SMYD3: variants seen among roughly 807,000 people sequenced by gnomAD.
The protein encoded by SMYD3 is histone-lysine N-methyltransferase SMYD3.
In SMYD3, 36 loss-of-function variants were observed where a neutral mutation model predicts 57.7. The observed-to-expected ratio is 0.62, with a 90% CI of 0.48 to 0.82. The LOEUF (loss-of-function observed/expected upper bound fraction) is 0.82. SMYD3 is among the 40% of genes least tolerant of loss of function. The pLI is 0.00. For synonymous variants in SMYD3, 211 were observed against 195.0 expected, an observed-to-expected ratio of 1.08 and a Z score of -0.68; for missense variants, 515 against 538.8, an observed-to-expected ratio of 0.96 and a Z score of 0.44.
At chr1:246,118,134 C>T (rs778939592) in intron 5 of SMYD3, among the ~76,000 whole-genome samples, 4 of 152,106 alleles carry the variant, frequency 2.6e-5, no homozygotes, top group Non-Finnish European at 5.9e-5. Context: ...TAAAAAATTT[C>T]ACAAATAATT....
chr1:246,450,838 A>G (rs987407291), intron 1 of SMYD3, among the ~76,000 whole-genome samples: 2 of 152,256 alleles, frequency 1.3e-5, no homozygotes, highest in African/African-American at 4.8e-5. Flanking sequence ...ATTCCAGTGA[A>G]TTAATATAAA....
At chr1:245,938,530 G>C (rs1377091576) in intron 5 of SMYD3, among the ~76,000 whole-genome samples, 1 of 152,172 alleles carries the variant, frequency 6.6e-6, no homozygotes, top group Non-Finnish European at 1.5e-5. Flanking sequence ...CTCCAGGTAT[G>C]CTCCTTTATT....
At chr1:245,936,723 C>T (rs1454318305) in intron 5 of SMYD3, among the ~76,000 whole-genome samples, 6 of 150,598 alleles carry the variant, frequency 4.0e-5, no homozygotes, top group African/African-American at 1.5e-4. Context: ...GGCAAAACCT[C>T]GCCACTATAA....
chr1:246,130,869 G>A (rs915666740), intron 5 of SMYD3, among the ~76,000 whole-genome samples: 2 of 151,990 alleles, frequency 1.3e-5, no homozygotes, highest in Non-Finnish European at 2.9e-5. Context: ...CTCCTACTTG[G>A]AAACTTTAAA....
At chr1:246,056,090 T>C (rs2060146245) in intron 5 of SMYD3, among the ~76,000 whole-genome samples, 1 of 152,134 alleles carries the variant, frequency 6.6e-6, no homozygotes, top group Non-Finnish European at 1.5e-5. Context: ...GTAATGGAAA[T>C]GTTCTCTATC....
intron 5 of SMYD3, among the ~76,000 whole-genome samples, chr1:246,209,847 GA>G (rs2148389985): frequency 6.6e-6 from 1 of 152,286 alleles, no homozygotes; most frequent in East Asian, 1.9e-4. Flanking sequence ...AGTGAATCAA[GA>G]GCAAGTCCAA....
intron 5 of SMYD3, among the ~76,000 whole-genome samples, chr1:246,317,211 T>C (rs888052332): frequency 1.1e-4 from 16 of 152,208 alleles, no homozygotes; most frequent in African/African-American, 3.6e-4. Flanking sequence ...AAAAATTGAC[T>C]CAAAAAACAA....
chr1:246,374,407 A>C (rs2066238168), intron 1 of SMYD3, among the ~76,000 whole-genome samples: 1 of 152,206 alleles, frequency 6.6e-6, no homozygotes, highest in Non-Finnish European at 1.5e-5. Flanking sequence ...TCCCAGCTGA[A>C]GTCAAACAAG....
chr1:246,163,556 C>T (rs2062156639), intron 5 of SMYD3, among the ~76,000 whole-genome samples: 1 of 152,154 alleles, frequency 6.6e-6, no homozygotes, highest in Admixed American at 6.6e-5. Context: ...GCATCAGGGT[C>T]TGGTTGATTC....
intron 5 of SMYD3, among the ~76,000 whole-genome samples, chr1:246,235,138 G>T (rs1234136343): frequency 6.6e-6 from 1 of 152,108 alleles, no homozygotes; most frequent in Non-Finnish European, 1.5e-5. Context: ...TTCACTAATA[G>T]ACCTGCCTCT....
chr1:246,259,075 C>CT (rs1244594060), intron 5 of SMYD3, among the ~76,000 whole-genome samples: 4 of 152,074 alleles, frequency 2.6e-5, no homozygotes, highest in Admixed American at 6.5e-5. Context: ...TGGTTGATTT[C>CT]TTTTTAAGAT....
At chr1:246,368,141 A>T (rs1012074439) in intron 1 of SMYD3, among the ~76,000 whole-genome samples, 11 of 152,224 alleles carry the variant, frequency 7.2e-5, no homozygotes, top group African/African-American at 2.7e-4. Context: ...ATTGTTCTTC[A>T]GTCTTCCAGT....
In SMYD3 at chr1:246,096,338, G is replaced by A. The variant is rs187401444; in HGVS notation, c.532-166401C>T. On this transcript the variant is annotated intron_variant, in intron 5 of 11. Transcript: ENST00000490107. ...ATGATCTGAAATATTAATCCTAAAC[G>A]GGTCTTGCCAGTGGGCAGCTGTGGG... is the stretch of plus-strand genomic sequence containing the variant. The A allele has an allele frequency of 2.6e-5, 4 of 152,276 alleles. No individual in the cohort carries two copies. The East Asian group carries it at 5.8e-4, about 22-fold the overall frequency. 9.4% of individuals were successfully genotyped at this position (152,276 alleles called of 1,614,324 possible). A position where few individuals can be genotyped will look rare whatever the true frequency, so the allele number is the denominator to read the frequency against.
intron 5 of SMYD3, among the ~76,000 whole-genome samples, chr1:246,190,149 TG>T (rs2062709473): frequency 6.6e-6 from 1 of 152,222 alleles, no homozygotes; most frequent in Non-Finnish European, 1.5e-5. Context: ...ACTTACTAAG[TG>T]TCAGACCTTG....
intron 5 of SMYD3, among the ~76,000 whole-genome samples, chr1:245,931,293 G>C (rs546225566): frequency 6.6e-6 from 1 of 152,300 alleles, no homozygotes; most frequent in South Asian, 2.1e-4. Context: ...CCAGGTGATA[G>C]ACAATGGTGA....
chr1:246,404,975 G>A lies in SMYD3; in HGVS notation c.165-49881C>T, dbSNP rs142114354. ...GTACAGCATGATTCTTTTTTTAGAC[G>A]GGATCTTACTTTGTCACTCAGGCTG... On this transcript the variant is annotated intron_variant, in intron 1 of 11. Coordinates refer to ENST00000490107, the MANE Select transcript of SMYD3 (RefSeq NM_001167740.2). Among the ~76,000 whole-genome samples, 445 of 151,304 alleles carry A rather than the reference G, an allele frequency of 2.9e-3. 2 individuals carry two copies. The highest frequency in any genetic ancestry group is 1.0e-2 in the African/African-American group (412 of 41,220).
rs541736384 is a variant in SMYD3, at chr1:245,873,131, T to C, written c.814-9245A>G. ...GAGCCTTCTGTAGAAAAGCATTTTG[T>C]AGAAAACTAGCATGATGGGCTGATA... On this transcript the variant is annotated intron_variant, in intron 8 of 11. Coordinates refer to ENST00000490107, the MANE Select transcript of SMYD3 (RefSeq NM_001167740.2). 1.4e-4 allele frequency among the ~76,000 whole-genome samples: 21 copies of C among 152,348 alleles called. No individual in the cohort carries two copies. In the South Asian group the frequency reaches 3.7e-3, roughly 27 times the overall value.
intron 5 of SMYD3, among the ~76,000 whole-genome samples, chr1:246,312,500 G>C (rs1207669302): frequency 6.6e-6 from 1 of 152,168 alleles, no homozygotes; most frequent in African/African-American, 2.4e-5. Flanking sequence ...TTTGGGGGAA[G>C]AATCAGAGGT....
rs150433804 is a variant in SMYD3 at position 245,876,766 on chromosome 1, C to T, written c.814-12880G>A. 2.0e-5 allele frequency among the ~76,000 whole-genome samples: 3 copies of T among 152,310 alleles called. No individual in the cohort carries two copies. In the East Asian group the frequency reaches 5.8e-4, roughly 29 times the overall value. On this transcript the variant is annotated intron_variant, in intron 8 of 11. Transcript: ENST00000490107. ...TGAGATGTGGCCTCAGCTTACATTC[C>T]AGTGGTTGAAACGGCCAAACAAATG...
Sources: gnomAD v4.1 joint callset for allele counts (sites outside exome capture counted in the v4.1 genomes callset) on GRCh38, gnomAD v4.1.1 for gene constraint, MANE v1.5 for transcripts, NCBI Gene and HGNC (gene_info 2026-07-23, HGNC 2026-07-21) for gene names.